Variants in FAM135A observed in about 807,000 individuals in gnomAD.
The protein encoded by FAM135A is family with sequence similarity 135 member A, also known as protein FAM135A.
FAM135A carries 79 observed loss-of-function variants against 146.8 expected under a neutral mutation model. The ratio of observed to expected loss-of-function variants is 0.54; its 90% CI spans 0.45 to 0.65. The LOEUF (loss-of-function observed/expected upper bound fraction) is 0.65. FAM135A is among the 30% of genes least tolerant of loss of function. The probability of loss-of-function intolerance (pLI) is 0.00; values close to 1 mark genes in which losing one functional copy is unlikely to be tolerated. For missense variants in FAM135A, 1,623 were observed against 1,758.2 expected (o/e 0.92, Z 1.38); for synonymous variants, 562 against 603.6 (o/e 0.93, Z 1.01).
chr6:70,530,493 G>A lies in FAM135A; in HGVS notation c.3775+2041G>A, dbSNP rs115029340. ...AAATAAAAATTCAGCAGTTTATAAC[G>A]ACATGCTTATATTGTTAGTAAACCA... On this transcript the variant is annotated intron_variant, in intron 16 of 21. Coordinates refer to ENST00000418814, the MANE Select transcript of FAM135A (RefSeq NM_001162529.3). Among the ~76,000 whole-genome samples the A allele has an allele frequency of 7.9e-3, 1,196 of 152,116 alleles. 21 individuals carry two copies. Among genetic ancestry groups the A allele is most frequent in the African/African-American group, 0.028 (1,151 of 41,512 alleles).
chr6:70,526,290 C>A lies in FAM135A; in HGVS notation c.3206C>A (p.Thr1069Asn), dbSNP rs2747700. The change falls in exon 15 of 22, where the codon ACT becomes AAT. Residue 1069 changes from threonine to asparagine, a missense_variant. Transcript: ENST00000418814. ...YSNALSPQKE[T>N]SEKEISNLQQ... ...AATGCACTTAGCCCTCAGAAGGAAA[C>A]TTCTGAAAAAGAAATTAGTAATCTT... 2.8e-4 allele frequency: 456 copies of A among 1,613,140 alleles called. No individual in the cohort carries two copies. The highest frequency in any genetic ancestry group is 3.7e-4 in the Non-Finnish European group (438 of 1,179,604).
rs148084482 is a variant in FAM135A, at chr6:70,526,354, G to A, written c.3270G>A (p.Gln1090=). ...ATAAAGAGGATGAGGAGGAAGAGCA[G>A]GATCAACAAATGGTTCAAAATGGGT... ...EQDKEDEEEE[Q]DQQMVQNGYY... is the part of the protein sequence containing the mutation. Residue 1090 remains glutamine (Q), a synonymous_variant, in exon 15 of 22, where the codon CAG becomes CAA. Transcript: ENST00000418814. 804 of 1,613,466 alleles carry A rather than the reference G, an allele frequency of 5.0e-4. No individual in the cohort carries two copies. The highest frequency in any genetic ancestry group is 7.8e-4 in the Admixed American group (47 of 59,970).
chr6:70,433,505 C>CT (rs61314362), intron 4 of FAM135A, among the ~76,000 whole-genome samples: 42,458 of 146,848 alleles, frequency 0.29, 8,070 homozygotes, highest in African/African-American at 0.55. Context: ...TAAATCTTAA[C>CT]TTTTTTTTTT....
At position 70,536,251 on chromosome 6, in the gene FAM135A, C is replaced by G; in HGVS notation, c.3966-9C>G. 2 of 1,581,870 alleles carry G rather than the reference C, an allele frequency of 1.3e-6. No individual in the cohort carries two copies. Among genetic ancestry groups the G allele is most frequent in the East Asian group, 2.3e-5 (1 of 43,910 alleles). On this transcript the variant is annotated splice_polypyrimidine_tract_variant and intron_variant, in intron 18 of 21. Coordinates refer to ENST00000418814, the MANE Select transcript of FAM135A (RefSeq NM_001162529.3). Reference sequence around the variant, plus strand: ...CTGTGAGAAAATTAATTTTTTTTTCCTCTTAAAGCTTTATTGGACATTCGT... The same window carrying G: ...CTGTGAGAAAATTAATTTTTTTTTCGTCTTAAAGCTTTATTGGACATTCGT...
At chr6:70,473,719 A>G (rs562104943) in intron 5 of FAM135A, among the ~76,000 whole-genome samples, 4 of 151,858 alleles carry the variant, frequency 2.6e-5, no homozygotes, top group Non-Finnish European at 5.9e-5. Context: ...TCCTTACCCC[A>G]CTTGACCTCA....
At chr6:70,530,158 G>T (rs1043546135) in intron 16 of FAM135A, among the ~76,000 whole-genome samples, 1 of 152,164 alleles carries the variant, frequency 6.6e-6, no homozygotes, top group South Asian at 2.1e-4. Context: ...AACAAATAAG[G>T]TTTATTTCCC....
At position 70,413,617 on chromosome 6, in the gene FAM135A, C is replaced by T. The variant is rs545735366; in HGVS notation, c.-305C>T. 6.1e-5 allele frequency: 11 copies of T among 180,290 alleles called. No homozygotes were observed. The East Asian group carries it at 1.9e-3, about 31-fold the overall frequency. The allele number at this position is 180,290 out of a possible 1,614,324, so 11.2% of individuals were successfully genotyped here. ...TGAGGGGGCCCGGGGCGGGATGGTGCTGACCCGGGTCGGGCCGTCTTCTTG... is the reference window on the plus strand; with the variant it reads ...TGAGGGGGCCCGGGGCGGGATGGTGTTGACCCGGGTCGGGCCGTCTTCTTG... On this transcript the variant is annotated 5_prime_UTR_variant, in exon 1 of 22. Coordinates refer to ENST00000418814, the MANE Select transcript of FAM135A (RefSeq NM_001162529.3).
intron 4 of FAM135A, among the ~76,000 whole-genome samples, chr6:70,442,916 T>A (rs1022001661): frequency 6.6e-6 from 1 of 152,176 alleles, no homozygotes; most frequent in Non-Finnish European, 1.5e-5. Flanking sequence ...ATTCAACCAG[T>A]CCCCTATTGG....
chr6:70,484,817 G>A (rs1045909928), intron 10 of FAM135A, among the ~76,000 whole-genome samples: 1 of 152,186 alleles, frequency 6.6e-6, no homozygotes, highest in Non-Finnish European at 1.5e-5. Flanking sequence ...CACAGTCTGG[G>A]TGTTGGGGTT....
chr6:70,522,820 T>A (rs1793908740), intron 13 of FAM135A, among the ~76,000 whole-genome samples: 1 of 152,158 alleles, frequency 6.6e-6, no homozygotes, highest in Non-Finnish European at 1.5e-5. Flanking sequence ...CCTCCTTTTT[T>A]ATCAGATCTA....
At chr6:70,552,162 A>C (rs184901114) in intron 20 of FAM135A, among the ~76,000 whole-genome samples, 16 of 152,360 alleles carry the variant, frequency 1.1e-4, no homozygotes, top group Admixed American at 7.8e-4. Context: ...AGTTGTAAAC[A>C]ATACTAACAA....
At chr6:70,524,268 TAGAAAA>T in intron 14 of FAM135A, 69 bp from the exon 15 acceptor site, 6 of 1,412,748 alleles carry the variant, frequency 4.2e-6, no homozygotes, top group Non-Finnish European at 5.6e-6. Flanking sequence ...AAGTTATAGT[TAGAAAA>T]AGAAGTCTTA....
rs748486083 is a variant in FAM135A, at chr6:70,498,014, C to T, written c.874-4622C>T. ...AAAATGAGTTAGGCAGGAGTCCCTA[C>T]TTTTCCATTGTTTGGAATAGTTTCA... On this transcript the variant is annotated intron_variant, in intron 11 of 21. Coordinates refer to ENST00000418814, the MANE Select transcript of FAM135A (RefSeq NM_001162529.3). Among the ~76,000 whole-genome samples, 79 of 152,114 alleles carry T rather than the reference C, an allele frequency of 5.2e-4. 2 individuals are homozygous for T. Among genetic ancestry groups the T allele is most frequent in the Non-Finnish European group, 4.9e-4 (33 of 68,010 alleles).
chr6:70,525,119 T>C lies in FAM135A; in HGVS notation c.2035T>C (p.Trp679Arg). 1.3e-6 allele frequency: 2 copies of C among 1,566,026 alleles called. No homozygotes were observed. The highest frequency in any genetic ancestry group is 1.7e-6 in the Non-Finnish European group (2 of 1,161,450). Residue 679 changes from tryptophan (W) to arginine (R), a missense_variant, in exon 15 of 22, where the codon TGG (tryptophan) becomes CGG (arginine). Transcript: ENST00000418814. ...GENITVKLGP[W>R]TELRQEEILV... ...GAATATAACTGTCAAACTAGGACCT[T>C]GGACAGAGCTTCGACAAGAGGAAAT...
intron 20 of FAM135A, among the ~76,000 whole-genome samples, chr6:70,553,962 G>A (rs1167402772): frequency 1.3e-5 from 2 of 152,054 alleles, no homozygotes; most frequent in Non-Finnish European, 2.9e-5. Context: ...AATAATAATA[G>A]GCTTATAGAA....
At chr6:70,478,404 G>T (rs905563410) in intron 8 of FAM135A, among the ~76,000 whole-genome samples, 1 of 152,090 alleles carries the variant, frequency 6.6e-6, no homozygotes, top group East Asian at 1.9e-4. Flanking sequence ...TACAATTTCT[G>T]ATGTACATCT....
At chr6:70,541,012 T>C (rs373603426) in intron 20 of FAM135A, among the ~76,000 whole-genome samples, 20 of 152,256 alleles carry the variant, frequency 1.3e-4, no homozygotes, top group East Asian at 1.2e-3. Context: ...AAGACATTTC[T>C]TTCTACCTAC....
rs6930996 is a variant in FAM135A at position 70,453,773 on chromosome 6, C to T, written c.157+1202C>T. 4.1e-3 allele frequency among the ~76,000 whole-genome samples: 621 copies of T among 152,278 alleles called. 3 individuals carry two copies. Among genetic ancestry groups the T allele is most frequent in the African/African-American group, 0.014 (598 of 41,546 alleles). On this transcript the variant is annotated intron_variant, in intron 5 of 21. Coordinates refer to ENST00000418814, the MANE Select transcript of FAM135A (RefSeq NM_001162529.3). ...CCATTTTTATGGCTGCATAGTATTC[C>T]ATGGTGTATATGTGCCACATTTTCT...
chr6:70,442,630 A>G (rs1031937158), intron 4 of FAM135A, among the ~76,000 whole-genome samples: 4 of 152,136 alleles, frequency 2.6e-5, no homozygotes, highest in African/African-American at 9.7e-5. Context: ...CATAGGATAC[A>G]TACACTCTGT....
Sources: gnomAD v4.1 joint callset for allele counts (sites outside exome capture counted in the v4.1 genomes callset) on GRCh38, gnomAD v4.1.1 for gene constraint, MANE v1.5 for transcripts, NCBI Gene and HGNC (gene_info 2026-07-23, HGNC 2026-07-21) for gene names.